The following PTBP3 variants were observed in gnomAD, a reference collection of about 807,000 sequenced individuals.
PTBP3 encodes polypyrimidine tract-binding protein 3.
In PTBP3, 20 loss-of-function variants were observed where a neutral mutation model predicts 58.7. The ratio of observed to expected loss-of-function variants is 0.34; its 90% CI spans 0.24 to 0.50. PTBP3 has a LOEUF of 0.50. PTBP3 is among the 20% of genes least tolerant of loss of function. The probability of loss-of-function intolerance (pLI) is 0.98; values close to 1 mark genes in which losing one functional copy is unlikely to be tolerated. For missense variants in PTBP3, 509 were observed against 637.2 expected, an observed-to-expected ratio of 0.80 and a Z score of 2.17; for synonymous variants, 185 against 219.8, an observed-to-expected ratio of 0.84 and a Z score of 1.40.
intron 1 of PTBP3, among the ~76,000 whole-genome samples, chr9:112,307,835 T>C (rs1829288339): frequency 6.6e-6 from 1 of 152,260 alleles, no homozygotes; most frequent in Admixed American, 6.5e-5. Flanking sequence ...GTATTATTAC[T>C]TTAAACCAAC....
intron 3 of PTBP3, 113 bp from the exon 4 acceptor site, chr9:112,268,308 T>C (rs1827200292): frequency 1.8e-6 from 2 of 1,091,242 alleles, no homozygotes; most frequent in African/African-American, 1.6e-5. Context: ...TAAAATGACA[T>C]TTCCCCCAAG....
At chr9:112,290,327 CAA>C (rs997902540) in intron 2 of PTBP3, among the ~76,000 whole-genome samples, 2 of 151,954 alleles carry the variant, frequency 1.3e-5, no homozygotes, top group Admixed American at 6.6e-5. Flanking sequence ...TTTATGCAAA[CAA>C]AAGTCACAAT....
At chr9:112,279,244 G>GAC (rs1233652571) in intron 2 of PTBP3, among the ~76,000 whole-genome samples, 1 of 152,046 alleles carries the variant, frequency 6.6e-6, no homozygotes, top group African/African-American at 2.4e-5. Flanking sequence ...TGTACAAAAG[G>GAC]ACAGTTTTCA....
the PTBP3 span, among the ~76,000 whole-genome samples, chr9:112,364,190 T>C: frequency 8.3e-5 from 12 of 144,542 alleles, no homozygotes; most frequent in African/African-American, 3.1e-4. Context: ...TTTTTTTTTT[T>C]TTTTTTTTTT....
chr9:112,310,487 G>A (rs1300451216), intron 1 of PTBP3, among the ~76,000 whole-genome samples: 1 of 152,126 alleles, frequency 6.6e-6, no homozygotes, highest in Non-Finnish European at 1.5e-5. Flanking sequence ...ATGTATAAAT[G>A]TGTTAGCAAT....
At chr9:112,228,236 A>C in intron 11 of PTBP3, 144 bp downstream of exon 11, 1 of 575,048 alleles carries the variant, frequency 1.7e-6, no homozygotes, top group Non-Finnish European at 3.0e-6. Context: ...TAACATATAG[A>C]CAGATGCAAA....
chr9:112,312,970 G>A (rs974744159), intron 1 of PTBP3, among the ~76,000 whole-genome samples: 2 of 152,006 alleles, frequency 1.3e-5, no homozygotes, highest in Non-Finnish European at 2.9e-5. Flanking sequence ...CTTGAGCTCA[G>A]GAGGTCAAGG....
chr9:112,326,043 T>C (rs550109727), intron 1 of PTBP3, among the ~76,000 whole-genome samples: 3 of 151,852 alleles, frequency 2.0e-5, no homozygotes, highest in Non-Finnish European at 4.4e-5. Context: ...GTAAAACTAA[T>C]CTCTGGTGAT....
Position 112,301,812 on chromosome 9 carries a change from C to T in PTBP3, c.-51-3896G>A, listed in dbSNP as rs1828947602. Among the ~76,000 whole-genome samples, 3 of 152,186 alleles carry T rather than the reference C, an allele frequency of 2.0e-5. No homozygotes were observed. In the South Asian group the frequency reaches 6.2e-4, roughly 32 times the overall value. On this transcript the variant is annotated intron_variant, in intron 1 of 13. Coordinates refer to ENST00000374257, the MANE Select transcript of PTBP3 (RefSeq NM_001163788.4). ...TATAAGATGTAACCACTGGAGGAAA[C>T]TTAGTGAGGGGCACACAGGACCTTT... is the stretch of plus-strand genomic sequence containing the variant.
At chr9:112,332,442 G>C (rs1229839486) in intron 1 of PTBP3, among the ~76,000 whole-genome samples, 5 of 152,124 alleles carry the variant, frequency 3.3e-5, no homozygotes, top group African/African-American at 4.8e-5. Context: ...TACTGTTCTA[G>C]CAAGTTGCAT....
chr9:112,285,154 T>A, intron 2 of PTBP3, among the ~76,000 whole-genome samples: 1 of 152,210 alleles, frequency 6.6e-6, no homozygotes, highest in Non-Finnish European at 1.5e-5. Flanking sequence ...GGGAGATGGA[T>A]GGATTATGGG....
chr9:112,277,902 A>G (rs866426788), intron 2 of PTBP3, among the ~76,000 whole-genome samples: 3 of 98,022 alleles, frequency 3.1e-5, no homozygotes, highest in Non-Finnish European at 6.0e-5. Context: ...ATAACATAAC[A>G]TAACATAACA....
At chr9:112,368,120 T>C in the PTBP3 span, among the ~76,000 whole-genome samples, 12 of 152,110 alleles carry the variant, frequency 7.9e-5, no homozygotes, top group African/African-American at 2.9e-4. Context: ...TCAGCCTCTC[T>C]AGTAGCTGGG....
chr9:112,276,811 T>C (rs771719237), intron 2 of PTBP3, among the ~76,000 whole-genome samples: 1 of 152,170 alleles, frequency 6.6e-6, no homozygotes, highest in Non-Finnish European at 1.5e-5. Flanking sequence ...ATAACTAGAA[T>C]TGACAAGCCT....
chr9:112,220,868 AAAAAT>A lies in PTBP3; in HGVS notation c.*2978_*2982del, dbSNP rs1834783803. 4 of 968,634 alleles carry A rather than the reference AAAAAT, an allele frequency of 4.1e-6. No individual in the cohort carries two copies. In the Admixed American group the frequency reaches 2.5e-4, roughly 60 times the overall value. 60.0% of individuals were successfully genotyped at this position (968,634 alleles called of 1,614,324 possible). A position where few individuals can be genotyped will look rare whatever the true frequency, so the allele number is the denominator to read the frequency against. The stretch of plus-strand genomic sequence containing the variant: ...TTGAAAAGTGATGACAATACTCCTT[AAAAAT>A]AAAATAAACTTAAAAATAGGATACT... On this transcript the variant is annotated 3_prime_UTR_variant, in exon 14 of 14. Coordinates refer to ENST00000374257, the MANE Select transcript of PTBP3 (RefSeq NM_001163788.4).
chr9:112,269,200 A>G (rs1244314325), intron 3 of PTBP3, among the ~76,000 whole-genome samples: 1 of 128,646 alleles, frequency 7.8e-6, no homozygotes, highest in South Asian at 2.2e-4. Flanking sequence ...CTGTCTCAAA[A>G]AAAAAAAAAA....
chr9:112,241,339 A>G (rs1018740051), intron 7 of PTBP3, among the ~76,000 whole-genome samples: 11 of 152,130 alleles, frequency 7.2e-5, no homozygotes, highest in African/African-American at 2.7e-4. Context: ...CTGGACCTCA[A>G]GTGATCCACC....
At position 112,332,383 on chromosome 9, in the gene PTBP3, A is replaced by ATTT. The variant is rs68134705; in HGVS notation, c.-52+1086_-52+1087insAAA. Among the ~76,000 whole-genome samples, 3 of 151,964 alleles carry ATTT rather than the reference A, an allele frequency of 2.0e-5. No homozygotes were observed. In the East Asian group the frequency reaches 5.8e-4, roughly 29 times the overall value. On this transcript the variant is annotated intron_variant, in intron 1 of 13. Coordinates refer to ENST00000374257, the MANE Select transcript of PTBP3 (RefSeq NM_001163788.4). ...AGGTCAAAAGCTGTTGGAAGATTTCATCTTCAAATAGCATATCATCAACTG... is the reference window on the plus strand; with the variant it reads ...AGGTCAAAAGCTGTTGGAAGATTTCATTTTCTTCAAATAGCATATCATCAACTG...
At chr9:112,349,157 T>C in the PTBP3 span, among the ~76,000 whole-genome samples, 1 of 151,988 alleles carries the variant, frequency 6.6e-6, no homozygotes, top group African/African-American at 2.4e-5. Context: ...ATGGTGTCAG[T>C]AGGAAAGGAG....
Sources: allele counts gnomAD v4.1 joint callset (sites outside exome capture counted in the v4.1 genomes callset), GRCh38; gene constraint gnomAD v4.1.1; transcripts MANE v1.5; gene names NCBI Gene and HGNC (gene_info 2026-07-23, HGNC 2026-07-21).